Variants in LIPA observed in about 807,000 individuals in gnomAD.
LIPA encodes the protein lipase A, lysosomal acid type.
LIPA carries 26 observed loss-of-function variants against 40.6 expected under a neutral mutation model. That is an observed-to-expected ratio of 0.64 (90% CI 0.47 to 0.89). The LOEUF is 0.89. Among genes scored for constraint, LIPA ranks in the 40% least tolerant of loss-of-function variants. The pLI, the probability that LIPA is intolerant of heterozygous loss-of-function variation, is 0.00. For missense variants in LIPA, 455 were observed against 479.6 expected, an observed-to-expected ratio of 0.95 and a Z score of 0.48; for synonymous variants, 188 against 168.4, an observed-to-expected ratio of 1.12 and a Z score of -0.90.
chr10:89,384,069 T>C (rs948404442), intron 2 of LIPA: 2 of 1,614,216 alleles, frequency 1.2e-6, no homozygotes, highest in Non-Finnish European at 1.7e-6. Flanking sequence ...CACAGGCCTA[T>C]GTCTTTCAAT....
Position 89,245,742 on chromosome 10 carries a change from T to C in LIPA, c.163A>G (p.Thr55Ala). ...GFPSEEYLVE[T>A]EDGYILCLNR... ...AGGCACAGAATATATCCATCTTCTG[T>C]CTCAACTAGGTATTCCTCACTAGGG... The change falls in exon 3 of 10, where the codon ACA becomes GCA. Residue 55 changes from threonine to alanine, a missense_variant. Physicochemically the swap from Thr to Ala is moderately conservative, Grantham distance 58. Coordinates refer to ENST00000336233, the MANE Select transcript of LIPA (RefSeq NM_000235.4). 1 of 1,605,542 alleles carries C rather than the reference T, an allele frequency of 6.2e-7. No homozygotes were observed. The highest frequency in any genetic ancestry group is 8.5e-7 in the Non-Finnish European group (1 of 1,172,282).
chr10:89,243,002 T>C (rs1232720756), intron 3 of LIPA, among the ~76,000 whole-genome samples: 1 of 152,138 alleles, frequency 6.6e-6, no homozygotes, highest in Admixed American at 6.5e-5. Context: ...GGACCCGTGG[T>C]CAAGAATGAT....
chr10:89,394,626 AT>A (rs1844313821), intron 2 of LIPA, among the ~76,000 whole-genome samples: 1 of 25,970 alleles, frequency 3.9e-5, no homozygotes, highest in Non-Finnish European at 6.0e-5. Flanking sequence ...ATATATATAT[AT>A]AAAACTTGAA....
intron 3 of LIPA, among the ~76,000 whole-genome samples, chr10:89,240,554 C>T (rs114908325): frequency 0.023 from 3,575 of 152,296 alleles, 94 homozygotes; most frequent in African/African-American, 0.07. Flanking sequence ...CAAATTTTCA[C>T]AACAGCCTAC....
chr10:89,375,085 A>AAAG, intron 2 of LIPA, among the ~76,000 whole-genome samples: 1 of 152,254 alleles, frequency 6.6e-6, no homozygotes. Flanking sequence ...GACTTGTCCC[A>AAAG]CACTGTGAAA....
In LIPA at chr10:89,258,666, A is replaced by C. The variant is rs188197405; in HGVS notation, c.-1-11017T>G. Reference sequence around the variant, plus strand: ...GGAAGTTCCTCAAAAAGGTAAACATAGAGTTATCATATGACCCATCAACTG... The same window carrying C: ...GGAAGTTCCTCAAAAAGGTAAACATCGAGTTATCATATGACCCATCAACTG... On this transcript the variant is annotated intron_variant, in intron 1 of 5. Coordinates refer to the LIPA transcript ENST00000282673. Among the ~76,000 whole-genome samples, 30 of 152,350 alleles carry C rather than the reference A, an allele frequency of 2.0e-4. No homozygotes were observed. In the East Asian group the frequency reaches 5.4e-3, roughly 27 times the overall value.
At chr10:89,337,753 C>A (rs1408838992) in intron 1 of LIPA, among the ~76,000 whole-genome samples, 1 of 152,186 alleles carries the variant, frequency 6.6e-6, no homozygotes, top group Non-Finnish European at 1.5e-5. Context: ...CTGAAGCTGC[C>A]TCCTCTTACC....
At chr10:89,324,522 G>A (rs561435056) in intron 1 of LIPA, among the ~76,000 whole-genome samples, 2 of 152,170 alleles carry the variant, frequency 1.3e-5, no homozygotes, top group African/African-American at 4.8e-5. Flanking sequence ...TGACAAACGG[G>A]ACCTAATTAA....
At chr10:89,383,225 G>T in intron 2 of LIPA, 1 of 1,097,380 alleles carries the variant, frequency 9.1e-7, no homozygotes. Context: ...GGGAAATTAG[G>T]ATAGAGCATA....
At chr10:89,313,576 T>C (rs1843526905) in intron 1 of LIPA, among the ~76,000 whole-genome samples, 1 of 152,194 alleles carries the variant, frequency 6.6e-6, no homozygotes, top group Non-Finnish European at 1.5e-5. Flanking sequence ...AAAACATAGG[T>C]TCACACAAAA....
chr10:89,214,724 C>T lies in LIPA; in HGVS notation c.*104G>A, dbSNP rs1194379303. The T allele has an allele frequency of 1.3e-6, 1 of 748,936 alleles. No individual in the cohort carries two copies. The highest frequency in any genetic ancestry group is 2.3e-6 in the Non-Finnish European group (1 of 442,192). 46.4% of individuals were successfully genotyped at this position (748,936 alleles called of 1,614,324 possible). On this transcript the variant is annotated 3_prime_UTR_variant, in exon 10 of 10. Coordinates refer to ENST00000336233, the MANE Select transcript of LIPA (RefSeq NM_000235.4). ...TATCATTTTCTTGGATATAAAAAAA[C>T]AAAAGACCTGGGAAAGAAAAACAAG...
intron 5 of LIPA, among the ~76,000 whole-genome samples, 181 bp downstream of exon 5, chr10:89,226,714 A>G (rs1331620819): frequency 6.6e-6 from 1 of 152,218 alleles, no homozygotes; most frequent in African/African-American, 2.4e-5. Flanking sequence ...TCAACCATAT[A>G]CATGAATTTT....
rs758797771 is a variant in LIPA, at chr10:89,247,606, A to G, written c.43T>C (p.Trp15Arg). ...FLGLVVCLVL[W>R]TLHSEGSGGK... Reference sequence around the variant, plus strand: ...CCAGACCCCTCAGAATGCAGGGTCCAGAGAACCAAACAGACCACCAACCCC... The same window carrying G: ...CCAGACCCCTCAGAATGCAGGGTCCGGAGAACCAAACAGACCACCAACCCC... The change falls in exon 2 of 10, where the codon TGG (tryptophan) becomes CGG (arginine). Residue 15 changes from tryptophan (W) to arginine (R), a missense_variant. Transcript: ENST00000336233. The G allele has an allele frequency of 4.3e-6, 7 of 1,613,222 alleles. No homozygotes were observed. The Admixed American group carries it at 1.0e-4, about 23-fold the overall frequency.
At chr10:89,361,742 A>C (rs777808448) in intron 2 of LIPA, among the ~76,000 whole-genome samples, 6 of 152,100 alleles carry the variant, frequency 3.9e-5, no homozygotes, top group Non-Finnish European at 8.8e-5. Context: ...GTTCCTCCTT[A>C]GGATATTGCA....
chr10:89,252,807 C>CAA (rs34928929), upstream of LIPA, among the ~76,000 whole-genome samples: 205 of 132,266 alleles, frequency 1.5e-3, 9 homozygotes, highest in African/African-American at 4.9e-3. Flanking sequence ...CTCCATCCCC[C>CAA]AAAAAAAAAA....
chr10:89,394,623 TATATAA>T (rs202105887), intron 2 of LIPA, among the ~76,000 whole-genome samples: 651 of 26,634 alleles, frequency 0.024, 84 homozygotes, highest in African/African-American at 0.16. Flanking sequence ...TATATATATA[TATATAA>T]AACTTGAATT....
intron 2 of LIPA, among the ~76,000 whole-genome samples, chr10:89,400,736 A>G (rs1750147071): frequency 6.6e-6 from 1 of 152,128 alleles, no homozygotes; most frequent in African/African-American, 2.4e-5. Flanking sequence ...TTCCTTTCCA[A>G]CTTGGATGTC....
At chr10:89,324,300 G>A (rs1281079620) in intron 1 of LIPA, among the ~76,000 whole-genome samples, 1 of 152,124 alleles carries the variant, frequency 6.6e-6, no homozygotes, top group Non-Finnish European at 1.5e-5. Flanking sequence ...TTCAATAAAG[G>A]GTGCTGGGAT....
chr10:89,316,210 C>T (rs1368459411), intron 1 of LIPA, among the ~76,000 whole-genome samples: 1 of 152,146 alleles, frequency 6.6e-6, no homozygotes, highest in African/African-American at 2.4e-5. Context: ...GTTCATCTCA[C>T]TGGGGCTTGT....
Sources: allele counts gnomAD v4.1 joint callset (sites outside exome capture counted in the v4.1 genomes callset), GRCh38; gene constraint gnomAD v4.1.1; transcripts MANE v1.5; gene names NCBI Gene and HGNC (gene_info 2026-07-23, HGNC 2026-07-21).